PIK3CD: variants seen among roughly 807,000 people sequenced by gnomAD.
PIK3CD encodes the protein phosphatidylinositol-4,5-bisphosphate 3-kinase catalytic subunit delta.
A neutral mutation model predicts 122.9 loss-of-function variants in PIK3CD; 20 were observed. The ratio of observed to expected loss-of-function variants is 0.16; its 90% CI spans 0.11 to 0.24. The LOEUF (loss-of-function observed/expected upper bound fraction) is 0.24. Among genes scored for constraint, PIK3CD ranks in the 10% least tolerant of loss-of-function variants. The probability of loss-of-function intolerance (pLI) is 1.00; values close to 1 mark genes in which losing one functional copy is unlikely to be tolerated. For missense variants in PIK3CD, 787 were observed against 1,406.3 expected, an observed-to-expected ratio of 0.56 and a Z score of 7.04; for synonymous variants, 596 against 593.4, an observed-to-expected ratio of 1.00 and a Z score of -0.06.
intron 1 of PIK3CD, among the ~76,000 whole-genome samples, chr1:9,678,153 AAAAAAC>A: frequency 6.6e-6 from 1 of 152,026 alleles, no homozygotes; most frequent in East Asian, 1.9e-4. Context: ...TCAAAAAAAA[AAAAAAC>A]AAAAACAAAA....
intron 1 of PIK3CD, among the ~76,000 whole-genome samples, chr1:9,668,791 T>A (rs912436954): frequency 6.6e-6 from 1 of 152,214 alleles, no homozygotes; most frequent in Non-Finnish European, 1.5e-5. Flanking sequence ...ATAGACTGTG[T>A]CCTCGGCTGG....
chr1:9,710,316 C>T lies in PIK3CD; in HGVS notation c.-32-108C>T, dbSNP rs1418100862. On this transcript the variant is annotated intron_variant, in intron 2 of 23. Coordinates refer to ENST00000377346, the MANE Select transcript of PIK3CD (RefSeq NM_005026.5). The surrounding 1 kb of genome is among the most constrained non-coding windows in gnomAD (Gnocchi z 4.7). ...TGTACCCGCAGGTCGGGAACTCACT[C>T]CTGAGCTTCCTGCTGTCCAAGGACC... is the stretch of plus-strand genomic sequence containing the variant. 6 of 915,412 alleles carry T rather than the reference C, an allele frequency of 6.6e-6. No individual in the cohort carries two copies. The Middle Eastern group carries it at 9.5e-4, about 145-fold the overall frequency. The allele number at this position is 915,412 out of a possible 1,614,324, so 56.7% of individuals were successfully genotyped here.
chr1:9,706,737 A>G (rs1159871796), intron 2 of PIK3CD, among the ~76,000 whole-genome samples: 1 of 152,154 alleles, frequency 6.6e-6, no homozygotes, highest in Non-Finnish European at 1.5e-5. Context: ...ATATTGGGTT[A>G]AATAAAATAC....
Position 9,685,354 on chromosome 1 carries a change from CTTAAT to C in PIK3CD, c.-137-6109_-137-6105del, listed in dbSNP as rs570319143. Among the ~76,000 whole-genome samples the C allele has an allele frequency of 1.5e-3, 233 of 151,750 alleles. 1 individual carries two copies. The highest frequency in any genetic ancestry group is 5.3e-3 in the African/African-American group (218 of 41,410). On this transcript the variant is annotated intron_variant, in intron 1 of 23. Coordinates refer to ENST00000377346, the MANE Select transcript of PIK3CD (RefSeq NM_005026.5). ...CTTTAGTTGCTTTTTTTTGGTTATA[CTTAAT>C]TTATTTTTTTATTTTTTGAGATGGA...
In PIK3CD at chr1:9,723,914, T is replaced by C. The variant is rs1284667551; in HGVS notation, c.2595-55T>C. 13 of 1,561,166 alleles carry C rather than the reference T, an allele frequency of 8.3e-6. No homozygotes were observed. The East Asian group carries it at 2.9e-4, about 35-fold the overall frequency. ...GGAGAGGGAGTAATAACCCACCTCT[T>C]GATAGGCGGAGCTGCAAAATGGTAT... On this transcript the variant is annotated intron_variant, in intron 20 of 23. Coordinates refer to ENST00000377346, the MANE Select transcript of PIK3CD (RefSeq NM_005026.5). This position sits in a 1 kb window ranked among gnomAD's most constrained non-coding sequence, Gnocchi z 4.9.
At chr1:9,649,488 C>T (rs1418272794), upstream of PIK3CD, among the ~76,000 whole-genome samples, 2 of 152,126 alleles carry the variant, frequency 1.3e-5, no homozygotes, top group African/African-American at 4.8e-5. Flanking sequence ...CAGCCTCGTC[C>T]TCCCAAAGTG....
At chr1:9,636,288 G>A in the PIK3CD span, among the ~76,000 whole-genome samples, 1 of 152,096 alleles carries the variant, frequency 6.6e-6, no homozygotes, top group Non-Finnish European at 1.5e-5. Flanking sequence ...CCACCTCCTG[G>A]GTTTAAGCAA....
At chr1:9,693,504 A>G (rs985893800) in intron 2 of PIK3CD, among the ~76,000 whole-genome samples, 2 of 152,070 alleles carry the variant, frequency 1.3e-5, no homozygotes, top group African/African-American at 2.4e-5. Context: ...AAGAGCTGGG[A>G]TTACAGGCGT....
the PIK3CD span, among the ~76,000 whole-genome samples, chr1:9,627,937 G>A: frequency 6.6e-6 from 1 of 152,346 alleles, no homozygotes; most frequent in East Asian, 1.9e-4. Flanking sequence ...GAACAATGGA[G>A]GAACCATGGA....
In PIK3CD at chr1:9,724,720, A is replaced by C. The variant is rs1489160059; in HGVS notation, c.2865-84A>C. The C allele has an allele frequency of 1.3e-6, 2 of 1,559,644 alleles. No homozygotes were observed. The highest frequency in any genetic ancestry group is 1.8e-6 in the Non-Finnish European group (2 of 1,133,056). ...AGGGCAAGGGCAGGTGTCCTTGGGGAAGGGGCTGGTTGGATGCAGAGCGGC... is the reference window on the plus strand; with the variant it reads ...AGGGCAAGGGCAGGTGTCCTTGGGGCAGGGGCTGGTTGGATGCAGAGCGGC... On this transcript the variant is annotated intron_variant, in intron 22 of 23. Transcript: ENST00000377346. The surrounding 1 kb of genome is among the most constrained non-coding windows in gnomAD (Gnocchi z 7.3).
the PIK3CD span, among the ~76,000 whole-genome samples, chr1:9,632,093 A>G: frequency 6.6e-6 from 1 of 151,382 alleles, no homozygotes; most frequent in East Asian, 1.9e-4. Flanking sequence ...GCTCACTGCA[A>G]CCTCCGCCTC....
intron 1 of PIK3CD, among the ~76,000 whole-genome samples, chr1:9,674,129 C>G (rs747173338): frequency 2.0e-5 from 3 of 152,148 alleles, no homozygotes; most frequent in Non-Finnish European, 4.4e-5. Context: ...GGGCCAGAGG[C>G]AGGTTCAACT....
At chr1:9,696,663 T>C (rs1449703356) in intron 2 of PIK3CD, among the ~76,000 whole-genome samples, 2 of 151,452 alleles carry the variant, frequency 1.3e-5, no homozygotes, top group African/African-American at 2.4e-5. Context: ...GGCAGGAGGA[T>C]TGCCTGAGCT....
chr1:9,655,778 A>G (rs2100748594), intron 1 of PIK3CD, among the ~76,000 whole-genome samples: 1 of 144,188 alleles, frequency 6.9e-6, no homozygotes, highest in East Asian at 2.1e-4. Context: ...GCCCACTGCA[A>G]CCTCTGCCTC....
chr1:9,656,118 A>G (rs1351654196), intron 1 of PIK3CD, among the ~76,000 whole-genome samples: 3 of 152,110 alleles, frequency 2.0e-5, no homozygotes, highest in Non-Finnish European at 4.4e-5. Context: ...ACTTAGAGAA[A>G]ATGCCGGAAG....
intron 3 of PIK3CD, among the ~76,000 whole-genome samples, chr1:9,713,851 T>C (rs1308794165): frequency 7.1e-6 from 1 of 140,820 alleles, no homozygotes; most frequent in Non-Finnish European, 1.5e-5. Context: ...TTTATTTTTA[T>C]ACTTTTTTTT....
intron 2 of PIK3CD, among the ~76,000 whole-genome samples, chr1:9,707,703 G>A (rs1226337916): frequency 2.6e-5 from 4 of 151,882 alleles, no homozygotes; most frequent in Non-Finnish European, 5.9e-5. Context: ...TCTAATTGTG[G>A]CTTCTTTACA....
chr1:9,725,463 G>A (rs1185103420), intron 23 of PIK3CD, among the ~76,000 whole-genome samples: 1 of 152,130 alleles, frequency 6.6e-6, no homozygotes, highest in Admixed American at 6.5e-5. Flanking sequence ...GCTGAGGCAG[G>A]AGAATCGTTT....
rs531367539 is a variant in PIK3CD at position 9,700,933 on chromosome 1, C to G, written c.-33+9362C>G. 3.3e-5 allele frequency among the ~76,000 whole-genome samples: 5 copies of G among 152,238 alleles called. No homozygotes were observed. The highest frequency in any genetic ancestry group is 3.3e-4 in the Admixed American group (5 of 15,280). ...AAGTATGTCTGGATTCCGTTGCTCT[C>G]CAGTGCTGTCTCCTTCTGGGTCAAG... On this transcript the variant is annotated intron_variant, in intron 2 of 23. Coordinates refer to ENST00000377346, the MANE Select transcript of PIK3CD (RefSeq NM_005026.5). The surrounding 1 kb of genome is among the most constrained non-coding windows in gnomAD (Gnocchi z 5.1).
Sources: allele counts gnomAD v4.1 joint callset (sites outside exome capture counted in the v4.1 genomes callset), GRCh38; gene constraint gnomAD v4.1.1; non-coding constraint Gnocchi (gnomAD v3.1); transcripts MANE v1.5; gene names NCBI Gene and HGNC (gene_info 2026-07-23, HGNC 2026-07-21).